The following SLC16A12 variants were observed in gnomAD, a reference collection of about 807,000 sequenced individuals.
SLC16A12 encodes the protein solute carrier family 16 member 12.
A neutral mutation model predicts 42.4 loss-of-function variants in SLC16A12; 17 were observed. That is an observed-to-expected ratio of 0.40 (90% CI 0.27 to 0.60). The LOEUF (loss-of-function observed/expected upper bound fraction) is 0.60, where lower values mean the gene tolerates loss of function less well. Among genes scored for constraint, SLC16A12 ranks in the 20% least tolerant of loss-of-function variants. SLC16A12 has a pLI of 0.42. For synonymous variants in SLC16A12, 224 were observed against 229.4 expected, an observed-to-expected ratio of 0.98 and a Z score of 0.21; for missense variants, 544 against 623.0, an observed-to-expected ratio of 0.87 and a Z score of 1.35.
rs1006008540 is a variant in SLC16A12 at position 89,431,889 on chromosome 10, T to C, written c.*1175A>G. 2 of 152,236 alleles carry C rather than the reference T, an allele frequency of 1.3e-5. No homozygotes were observed. Among genetic ancestry groups the C allele is most frequent in the Non-Finnish European group, 2.9e-5 (2 of 68,038 alleles). The allele number at this position is 152,236 out of a possible 1,614,324, so 9.4% of individuals were successfully genotyped here. A position where few individuals can be genotyped will look rare whatever the true frequency, so the allele number is the denominator to read the frequency against. On this transcript the variant is annotated 3_prime_UTR_variant, in exon 8 of 8. Transcript: ENST00000371790. ...ATAATCCAATGAGTAGATTTCTAAT[T>C]ATTATCTATAAAGAGATGAAGAGCA... is the stretch of plus-strand genomic sequence containing the variant.
chr10:89,556,699 G>A (rs1339091684), upstream of SLC16A12: 1 of 152,324 alleles, frequency 6.6e-6, no homozygotes, highest in African/African-American at 2.4e-5. Flanking sequence ...AGACCAAGAA[G>A]AATCTGAACA....
intron 2 of SLC16A12, among the ~76,000 whole-genome samples, chr10:89,544,332 A>C (rs1277344601): frequency 6.6e-6 from 1 of 152,212 alleles, no homozygotes; most frequent in Non-Finnish European, 1.5e-5. Context: ...GCTGTCTCCC[A>C]ACCAGATGTG....
intron 2 of SLC16A12, among the ~76,000 whole-genome samples, chr10:89,545,116 T>G (rs1207556962): frequency 2.6e-5 from 4 of 151,948 alleles, no homozygotes; most frequent in Non-Finnish European, 5.9e-5. Flanking sequence ...CCAACCTGAG[T>G]CACCCCAGTT....
intron 6 of SLC16A12, among the ~76,000 whole-genome samples, chr10:89,438,248 G>A (rs1841836803): frequency 6.6e-6 from 1 of 152,190 alleles, no homozygotes; most frequent in Admixed American, 6.5e-5. Context: ...ACAATATTTT[G>A]TGACACATGA....
chr10:89,438,890 C>T lies in SLC16A12; in HGVS notation c.742G>A (p.Asp248Asn). The T allele has an allele frequency of 6.2e-7, 1 of 1,613,556 alleles. No homozygotes were observed. Among genetic ancestry groups the T allele is most frequent in the South Asian group, 1.1e-5 (1 of 91,056 alleles). ...GAATAGGGAGACACCCGCTTAATGTCTTCTTTCTGAGTTCTACACACATGG... is the reference window on the plus strand; with the variant it reads ...GAATAGGGAGACACCCGCTTAATGTTTTCTTTCTGAGTTCTACACACATGG... The part of the protein sequence containing the change: ...QNHVCRTQKE[D>N]IKRVSPYSSL... Residue 248 changes from aspartate to asparagine, a missense_variant, in exon 6 of 8, where the codon GAC becomes AAC. Transcript: ENST00000371790.
intron 2 of SLC16A12, among the ~76,000 whole-genome samples, chr10:89,526,744 C>T (rs1239281076): frequency 6.6e-6 from 1 of 152,230 alleles, no homozygotes; most frequent in Non-Finnish European, 1.5e-5. Flanking sequence ...AAGGTGGAAG[C>T]TGGACATCGG....
At position 89,438,599 on chromosome 10, in the gene SLC16A12, T is replaced by G. The variant is rs1489522778; in HGVS notation, c.1028+5A>C. On this transcript the variant is annotated splice_donor_5th_base_variant and intron_variant, in intron 6 of 7. Transcript: ENST00000371790. ...GGGAACCAATTGTGGTTTCATGAAT[T>G]TTACCTTCTGTCGGTCAGCCATCCA... is the stretch of plus-strand genomic sequence containing the variant. The G allele has an allele frequency of 1.2e-6, 2 of 1,613,210 alleles. No individual in the cohort carries two copies. Among genetic ancestry groups the G allele is most frequent in the African/African-American group, 2.7e-5 (2 of 74,882 alleles).
At position 89,514,563 on chromosome 10, in the gene SLC16A12, A is replaced by C. The variant is rs74478415; in HGVS notation, c.-47+19938T>G. On this transcript the variant is annotated intron_variant, in intron 2 of 7. Transcript: ENST00000371790. ...GGCCCTTCTCAGAGCATGTATGGGG[A>C]GAGACAGATTTTTCTCTCTTCCTGT... 5.9e-3 allele frequency among the ~76,000 whole-genome samples: 900 copies of C among 152,202 alleles called. 11 individuals are homozygous for C. The highest frequency in any genetic ancestry group is 0.02 in the African/African-American group (848 of 41,530).
At chr10:89,477,329 C>T (rs1589691655) in intron 2 of SLC16A12, among the ~76,000 whole-genome samples, 1 of 152,204 alleles carries the variant, frequency 6.6e-6, no homozygotes, top group East Asian at 1.9e-4. Flanking sequence ...CTTTGGGAGG[C>T]CGAGGTGGGC....
intron 2 of SLC16A12, among the ~76,000 whole-genome samples, chr10:89,550,602 T>G (rs1843764852): frequency 6.6e-6 from 1 of 152,168 alleles, no homozygotes; most frequent in Non-Finnish European, 1.5e-5. Flanking sequence ...CCCAAAGCAC[T>G]AAAACAAAAT....
At position 89,551,528 on chromosome 10, in the gene SLC16A12, A is replaced by G. The variant is rs145706698; in HGVS notation, c.-47+4354T>C. Among the ~76,000 whole-genome samples, 1,061 of 152,322 alleles carry G rather than the reference A, an allele frequency of 7.0e-3. 12 individuals carry two copies. The highest frequency in any genetic ancestry group is 0.024 in the African/African-American group (1,017 of 41,576). On this transcript the variant is annotated intron_variant, in intron 2 of 2. Transcript: ENST00000475682. ...AGCACATTGTTGTTGGGAAACTTCCATAAAGCTGATATAGTTTGGCTCTGT... is the reference window on the plus strand; with the variant it reads ...AGCACATTGTTGTTGGGAAACTTCCGTAAAGCTGATATAGTTTGGCTCTGT...
At chr10:89,453,902 C>T (rs943144270) in intron 3 of SLC16A12, among the ~76,000 whole-genome samples, 1 of 152,138 alleles carries the variant, frequency 6.6e-6, no homozygotes, top group Non-Finnish European at 1.5e-5. Flanking sequence ...TTGCTAAATG[C>T]ACCCTGGAGA....
At chr10:89,486,769 AATGAAT>A (rs2133798787) in intron 2 of SLC16A12, among the ~76,000 whole-genome samples, 1 of 152,216 alleles carries the variant, frequency 6.6e-6, no homozygotes, top group African/African-American at 2.4e-5. Context: ...AAGACTAGGA[AATGAAT>A]ATCACAGAAA....
chr10:89,467,482 T>C (rs372477417), intron 2 of SLC16A12, among the ~76,000 whole-genome samples: 41 of 152,310 alleles, frequency 2.7e-4, no homozygotes, highest in African/African-American at 9.9e-4. Context: ...CGGGAAGTGT[T>C]TGGAGAATTA....
chr10:89,517,560 C>T (rs928569873), intron 2 of SLC16A12, among the ~76,000 whole-genome samples: 1 of 152,120 alleles, frequency 6.6e-6, no homozygotes, highest in Admixed American at 6.6e-5. Context: ...ATCCTCCTGC[C>T]TTGGCCTCCC....
rs374435884 is a variant in SLC16A12 at position 89,447,710 on chromosome 10, G to C, written c.201-3851C>G. 2.0e-5 allele frequency among the ~76,000 whole-genome samples: 3 copies of C among 152,102 alleles called. No homozygotes were observed. The East Asian group carries it at 5.8e-4, about 29-fold the overall frequency. ...ACAATTAAAAGAACTAGAGAAGCAA[G>C]AGCAAACAAATTTAAAAGCTAGCAG... On this transcript the variant is annotated intron_variant, in intron 3 of 7. Transcript: ENST00000371790.
Position 89,529,710 on chromosome 10 carries a change from G to C in SLC16A12, c.-47+4791C>G, listed in dbSNP as rs181925106. 6.3e-4 allele frequency among the ~76,000 whole-genome samples: 96 copies of C among 152,176 alleles called. 1 individual carries two copies. The highest frequency in any genetic ancestry group is 5.8e-3 in the Admixed American group (88 of 15,288). On this transcript the variant is annotated intron_variant, in intron 2 of 7. Transcript: ENST00000371790. ...TTACAGGCACGTGCCACCACGCCCA[G>C]CTAATTTTTGTATTTTTAGTAGAGA...
At chr10:89,549,654 A>G (rs1843759657) in intron 2 of SLC16A12, among the ~76,000 whole-genome samples, 1 of 152,172 alleles carries the variant, frequency 6.6e-6, no homozygotes, top group South Asian at 2.1e-4. Context: ...CTGCTTGCCA[A>G]TTGCTTTAGG....
chr10:89,505,644 A>G lies in SLC16A12; in HGVS notation c.-47+28857T>C, dbSNP rs115145190. Among the ~76,000 whole-genome samples, 344 of 152,258 alleles carry G rather than the reference A, an allele frequency of 2.3e-3. 1 individual carries two copies. Among genetic ancestry groups the G allele is most frequent in the African/African-American group, 7.8e-3 (324 of 41,554 alleles). ...GGTGCTGCCTCACCCAGGAAGCTCAACGGGTCAGGGGATTTCCCTTTCCCA... is the reference window on the plus strand; with the variant it reads ...GGTGCTGCCTCACCCAGGAAGCTCAGCGGGTCAGGGGATTTCCCTTTCCCA... On this transcript the variant is annotated intron_variant, in intron 2 of 7. Coordinates refer to ENST00000371790, the MANE Select transcript of SLC16A12 (RefSeq NM_213606.4).
Sources: allele counts gnomAD v4.1 joint callset (sites outside exome capture counted in the v4.1 genomes callset), GRCh38; gene constraint gnomAD v4.1.1; transcripts MANE v1.5; gene names NCBI Gene and HGNC (gene_info 2026-07-23, HGNC 2026-07-21).